The following HPSE2 variants were observed in gnomAD, a reference collection of about 807,000 sequenced individuals.
HPSE2 encodes inactive heparanase-2.
In HPSE2, 38 loss-of-function variants were observed where a neutral mutation model predicts 60.5. The ratio of observed to expected loss-of-function variants is 0.63; its 90% confidence interval spans 0.48 to 0.82. The LOEUF (loss-of-function observed/expected upper bound fraction) is 0.82. Ranked by LOEUF, HPSE2 falls within the 40% of genes least tolerant of loss-of-function variation. The pLI is 0.00. For synonymous variants in HPSE2, 295 were observed against 293.2 expected, an observed-to-expected ratio of 1.01 and a Z score of -0.06; for missense variants, 713 against 740.4, an observed-to-expected ratio of 0.96 and a Z score of 0.43.
Position 98,910,832 on chromosome 10 carries a change from T to A in HPSE2, c.611-166776A>T, listed in dbSNP as rs181846944. ...AATACATTTGTGGATTGAAAAAAAATTTTTAAGGTATTAAGGCATGAGTGC... is the reference window on the plus strand; with the variant it reads ...AATACATTTGTGGATTGAAAAAAAAATTTTAAGGTATTAAGGCATGAGTGC... On this transcript the variant is annotated intron_variant, in intron 3 of 11. Coordinates refer to ENST00000370552, the MANE Select transcript of HPSE2 (RefSeq NM_021828.5). Among the ~76,000 whole-genome samples the A allele has an allele frequency of 3.2e-4, 48 of 152,186 alleles. No homozygotes were observed. In the East Asian group the frequency reaches 3.5e-3, roughly 11 times the overall value.
At chr10:98,845,743 C>T (rs1042514491) in intron 3 of HPSE2, among the ~76,000 whole-genome samples, 2 of 152,160 alleles carry the variant, frequency 1.3e-5, no homozygotes, top group African/African-American at 2.4e-5. Flanking sequence ...AGGGGACTTC[C>T]CGTCTACTCT....
the HPSE2 span, among the ~76,000 whole-genome samples, chr10:99,247,365 C>T: frequency 6.6e-6 from 1 of 152,208 alleles, no homozygotes; most frequent in African/African-American, 2.4e-5. Context: ...TTCATTCCAG[C>T]TTTACTATGT....
At chr10:98,934,047 T>C (rs1954719434) in intron 3 of HPSE2, among the ~76,000 whole-genome samples, 2 of 143,844 alleles carry the variant, frequency 1.4e-5, no homozygotes, top group Non-Finnish European at 3.0e-5. Context: ...TTCGTCTTTT[T>C]TTATCTTTGT....
intron 3 of HPSE2, among the ~76,000 whole-genome samples, chr10:98,799,367 T>A (rs930689943): frequency 6.6e-6 from 1 of 152,144 alleles, no homozygotes; most frequent in South Asian, 2.1e-4. Context: ...ACTTTCAGCA[T>A]TGGACAGATC....
At chr10:98,683,752 C>T (rs1947843849) in intron 6 of HPSE2, among the ~76,000 whole-genome samples, 1 of 151,920 alleles carries the variant, frequency 6.6e-6, no homozygotes, top group Admixed American at 6.6e-5. Flanking sequence ...GAAAGAATGA[C>T]ATTATCAAAG....
At chr10:99,227,873 G>A (rs28530470) in intron 2 of HPSE2, among the ~76,000 whole-genome samples, 68,209 of 131,350 alleles carry the variant, frequency 0.52, 19,083 homozygotes, top group South Asian at 0.64. Flanking sequence ...GTATATATGT[G>A]TGTGTGTGTG....
chr10:98,677,695 CTTG>C (rs1208843252), intron 6 of HPSE2, among the ~76,000 whole-genome samples: 2 of 152,078 alleles, frequency 1.3e-5, no homozygotes, highest in African/African-American at 4.8e-5. Context: ...CTTGAAAGAC[CTTG>C]TTGTTTCTAC....
intron 6 of HPSE2, among the ~76,000 whole-genome samples, chr10:98,693,440 G>A (rs960300229): frequency 4.6e-5 from 7 of 151,828 alleles, no homozygotes; most frequent in African/African-American, 1.7e-4. Flanking sequence ...TTAAAAAAAA[G>A]CTGCTTCATT....
At chr10:98,858,303 T>C (rs1952367517) in intron 3 of HPSE2, among the ~76,000 whole-genome samples, 1 of 152,208 alleles carries the variant, frequency 6.6e-6, no homozygotes, top group African/African-American at 2.4e-5. Context: ...TGAAATAGAA[T>C]ACGTGTTGGC....
the HPSE2 span, among the ~76,000 whole-genome samples, chr10:99,273,413 GAAAT>G: frequency 1.3e-5 from 2 of 151,906 alleles, no homozygotes; most frequent in South Asian, 2.1e-4. Flanking sequence ...AAAACCTATT[GAAAT>G]AAATAAATAA....
chr10:98,967,389 C>T (rs1955840256), intron 3 of HPSE2, among the ~76,000 whole-genome samples: 3 of 152,222 alleles, frequency 2.0e-5, no homozygotes, highest in Admixed American at 2.0e-4. Context: ...ATTTACCTAA[C>T]TCTTCAGCTA....
chr10:98,949,322 T>C (rs1204964925), intron 3 of HPSE2, among the ~76,000 whole-genome samples: 3 of 151,970 alleles, frequency 2.0e-5, no homozygotes, highest in Admixed American at 6.6e-5. Flanking sequence ...TATAGACCCT[T>C]ACCCCTCCCC....
chr10:98,630,602 T>G (rs1396527969), intron 7 of HPSE2, among the ~76,000 whole-genome samples: 1 of 152,138 alleles, frequency 6.6e-6, no homozygotes, highest in East Asian at 1.9e-4. Flanking sequence ...CTGTGAAACT[T>G]TCCTCAAAAC....
chr10:98,525,315 G>A (rs754302176), intron 9 of HPSE2, among the ~76,000 whole-genome samples: 1 of 152,134 alleles, frequency 6.6e-6, no homozygotes, highest in Non-Finnish European at 1.5e-5. Context: ...TGGGCCTAAC[G>A]GCACTTTTAA....
the HPSE2 span, among the ~76,000 whole-genome samples, chr10:99,289,555 G>A: frequency 2.0e-5 from 3 of 151,846 alleles, no homozygotes; most frequent in Non-Finnish European, 4.4e-5. Flanking sequence ...AGTGCCAAGA[G>A]TATTTTAACA....
chr10:99,249,759 G>A, the HPSE2 span, among the ~76,000 whole-genome samples: 135 of 152,238 alleles, frequency 8.9e-4, no homozygotes, highest in Middle Eastern at 0.01. Context: ...TGGATGAAAG[G>A]CCTGGTGAGA....
intron 9 of HPSE2, among the ~76,000 whole-genome samples, chr10:98,544,249 G>C (rs1436592706): frequency 1.3e-5 from 2 of 152,178 alleles, no homozygotes; most frequent in African/African-American, 4.8e-5. Context: ...ATAATGAAAT[G>C]AAGGCAGAAA....
chr10:98,985,410 G>T (rs1436268860), intron 3 of HPSE2, among the ~76,000 whole-genome samples: 1 of 152,142 alleles, frequency 6.6e-6, no homozygotes, highest in African/African-American at 2.4e-5. Flanking sequence ...AAGTGAAGGA[G>T]AAATAAAATA....
At chr10:99,098,105 A>G (rs1446479931) in intron 3 of HPSE2, among the ~76,000 whole-genome samples, 1 of 152,238 alleles carries the variant, frequency 6.6e-6, no homozygotes, top group Non-Finnish European at 1.5e-5. Context: ...AAGAAAGTCT[A>G]TACAGTTAGT....
Sources: gnomAD v4.1 joint callset for allele counts (sites outside exome capture counted in the v4.1 genomes callset) on GRCh38, gnomAD v4.1.1 for gene constraint, MANE v1.5 for transcripts, NCBI Gene and HGNC (gene_info 2026-07-23, HGNC 2026-07-21) for gene names.